The following AGBL4 variants were observed in gnomAD, a reference collection of about 807,000 sequenced individuals.
The protein encoded by AGBL4 is cytosolic carboxypeptidase 6.
Under a neutral mutation model 66.4 loss-of-function variants are expected in AGBL4, and 58 were observed. The ratio of observed to expected loss-of-function variants is 0.87; its 90% CI spans 0.71 to 1.09. The LOEUF (loss-of-function observed/expected upper bound fraction) is 1.09. Among genes scored for constraint, AGBL4 ranks in the 50% least tolerant of loss-of-function variants. AGBL4 has a pLI of 0.00. For synonymous variants in AGBL4, 234 were observed against 222.9 expected (o/e 1.05, Z -0.44); for missense variants, 579 against 631.0 (o/e 0.92, Z 0.88).
chr1:49,494,200 T>G (rs1047577205), intron 3 of AGBL4, among the ~76,000 whole-genome samples: 1 of 151,950 alleles, frequency 6.6e-6, no homozygotes, highest in Admixed American at 6.6e-5. Flanking sequence ...CACAATAGGG[T>G]ATATGAGCTA....
intron 1 of AGBL4, among the ~76,000 whole-genome samples, chr1:49,928,239 T>C (rs1652987086): frequency 6.6e-6 from 1 of 152,060 alleles, no homozygotes; most frequent in South Asian, 2.1e-4. Context: ...ACCTTTTTTA[T>C]TTTTTATTTT....
At chr1:49,484,726 A>C (rs917027458) in intron 3 of AGBL4, among the ~76,000 whole-genome samples, 3 of 152,032 alleles carry the variant, frequency 2.0e-5, no homozygotes, top group African/African-American at 7.2e-5. Context: ...TTAATTGTAC[A>C]TTTAAAGATA....
At chr1:48,963,082 T>C (rs1440765649) in intron 5 of AGBL4, among the ~76,000 whole-genome samples, 2 of 149,642 alleles carry the variant, frequency 1.3e-5, no homozygotes, top group Non-Finnish European at 2.9e-5. Context: ...TGGGTAATTT[T>C]CTAAGAACAG....
chr1:49,818,845 A>C (rs1645296190), intron 2 of AGBL4, among the ~76,000 whole-genome samples: 1 of 152,102 alleles, frequency 6.6e-6, no homozygotes, highest in Admixed American at 6.5e-5. Flanking sequence ...ACTTTTGACA[A>C]ATTGATAATA....
intron 4 of AGBL4, among the ~76,000 whole-genome samples, chr1:49,069,829 G>T (rs995239232): frequency 6.6e-6 from 1 of 151,888 alleles, no homozygotes; most frequent in African/African-American, 2.4e-5. Flanking sequence ...GGGCAGTATA[G>T]CCATTTTCAC....
chr1:49,059,873 A>G (rs796624024), intron 4 of AGBL4, among the ~76,000 whole-genome samples: 1 of 152,252 alleles, frequency 6.6e-6, no homozygotes, highest in African/African-American at 2.4e-5. Context: ...GAAGGGGTAT[A>G]TTTACCCAAT....
intron 3 of AGBL4, among the ~76,000 whole-genome samples, chr1:49,305,437 G>A (rs1213399214): frequency 2.0e-5 from 3 of 152,078 alleles, no homozygotes; most frequent in South Asian, 4.1e-4. Context: ...CCAAAAACAC[G>A]AGTTTCACAT....
At chr1:49,333,153 CAT>C (rs894055178) in intron 3 of AGBL4, among the ~76,000 whole-genome samples, 2 of 152,134 alleles carry the variant, frequency 1.3e-5, no homozygotes, top group African/African-American at 4.8e-5. Flanking sequence ...ATGTTCTGCA[CAT>C]GTGTCCCAGA....
intron 5 of AGBL4, among the ~76,000 whole-genome samples, chr1:49,033,422 C>A (rs967052080): frequency 1.3e-5 from 2 of 152,076 alleles, no homozygotes; most frequent in African/African-American, 4.8e-5. Flanking sequence ...GGTCATGTAT[C>A]CAGTTGCAAC....
chr1:49,185,066 C>A (rs1646991569), intron 4 of AGBL4, among the ~76,000 whole-genome samples: 1 of 152,128 alleles, frequency 6.6e-6, no homozygotes, highest in South Asian at 2.1e-4. Flanking sequence ...TCCCATTTTA[C>A]AGAGACTCAG....
chr1:49,818,677 A>T (rs1199466388), intron 2 of AGBL4, among the ~76,000 whole-genome samples: 1 of 152,074 alleles, frequency 6.6e-6, no homozygotes. Context: ...AAAAAGAACC[A>T]ATATGATATG....
At chr1:49,667,957 A>G (rs1056240353) in intron 3 of AGBL4, among the ~76,000 whole-genome samples, 1 of 152,164 alleles carries the variant, frequency 6.6e-6, no homozygotes, top group Non-Finnish European at 1.5e-5. Flanking sequence ...TTATGTGTAA[A>G]ATGGGAAAAA....
At chr1:48,925,033 ATCAAGAGAGAAGTAAGGT>A (rs1654412157) in intron 5 of AGBL4, among the ~76,000 whole-genome samples, 1 of 152,108 alleles carries the variant, frequency 6.6e-6, no homozygotes, top group Non-Finnish European at 1.5e-5. Context: ...ACTGCCTAGC[ATCAAGAGAGAAGTAAGGT>A]TTTTACTAAA....
At chr1:49,731,543 T>A (rs1558199622) in intron 2 of AGBL4, among the ~76,000 whole-genome samples, 1 of 151,994 alleles carries the variant, frequency 6.6e-6, no homozygotes, top group Non-Finnish European at 1.5e-5. Context: ...ATACGTTAAA[T>A]CTCAAGGAAA....
intron 3 of AGBL4, among the ~76,000 whole-genome samples, chr1:49,353,324 C>G (rs554955571): frequency 6.6e-6 from 1 of 152,238 alleles, no homozygotes; most frequent in South Asian, 2.1e-4. Context: ...TTGCGGGTTC[C>G]TCAATACTAT....
intron 3 of AGBL4, among the ~76,000 whole-genome samples, chr1:49,467,492 A>C (rs1046739587): frequency 6.6e-6 from 1 of 151,752 alleles, no homozygotes; most frequent in African/African-American, 2.4e-5. Flanking sequence ...GTAATTATCT[A>C]TCTCATGCAC....
intron 5 of AGBL4, among the ~76,000 whole-genome samples, chr1:49,039,615 G>A (rs1664952519): frequency 1.3e-5 from 2 of 152,058 alleles, no homozygotes; most frequent in South Asian, 2.1e-4. Flanking sequence ...TTCAACAAGC[G>A]GTGCTGGAAA....
rs552558693 is a variant in AGBL4 at position 49,435,272 on chromosome 1, G to A, written c.283-189408C>T. ...TAATTTGCAATTAAGAATATTTATTGAATAAATGCATGCATCTAATCCAAT... is the reference window on the plus strand; with the variant it reads ...TAATTTGCAATTAAGAATATTTATTAAATAAATGCATGCATCTAATCCAAT... On this transcript the variant is annotated intron_variant, in intron 3 of 13. Coordinates refer to ENST00000371839, the MANE Select transcript of AGBL4 (RefSeq NM_032785.4). Among the ~76,000 whole-genome samples, 5 of 152,162 alleles carry A rather than the reference G, an allele frequency of 3.3e-5. No homozygotes were observed. The East Asian group carries it at 9.7e-4, about 29-fold the overall frequency.
At chr1:49,610,225 A>G (rs1645130236) in intron 3 of AGBL4, among the ~76,000 whole-genome samples, 1 of 152,182 alleles carries the variant, frequency 6.6e-6, no homozygotes, top group Non-Finnish European at 1.5e-5. Context: ...TCAAAGACAT[A>G]ATCTTATTTA....
Sources: allele counts gnomAD v4.1 joint callset (sites outside exome capture counted in the v4.1 genomes callset), GRCh38; gene constraint gnomAD v4.1.1; transcripts MANE v1.5; gene names NCBI Gene and HGNC (gene_info 2026-07-23, HGNC 2026-07-21).